The following TENM2 variants were observed in gnomAD, a reference collection of about 807,000 sequenced individuals.
The protein encoded by TENM2 is teneurin transmembrane protein 2.
TENM2 carries 52 observed loss-of-function variants against 245.2 expected under a neutral mutation model. The observed-to-expected ratio is 0.21, with a 90% CI of 0.17 to 0.27. TENM2 has a LOEUF of 0.27. Ranked by LOEUF, TENM2 falls within the 10% of genes least tolerant of loss-of-function variation. The pLI is 1.00. For synonymous variants in TENM2, 1,363 were observed against 1,438.9 expected (o/e 0.95, Z 1.19); for missense variants, 3,046 against 3,666.8 (o/e 0.83, Z 4.37).
At chr5:167,776,917 T>A (rs942126621) in intron 2 of TENM2, among the ~76,000 whole-genome samples, 3 of 152,198 alleles carry the variant, frequency 2.0e-5, no homozygotes, top group African/African-American at 7.2e-5. Context: ...CAGCATTGTT[T>A]GTAGCAATTT....
At chr5:167,477,817 A>G (rs1410437607) in intron 2 of TENM2, among the ~76,000 whole-genome samples, 2 of 152,162 alleles carry the variant, frequency 1.3e-5, no homozygotes, top group African/African-American at 4.8e-5. Context: ...TAGATAATAT[A>G]TTAAGATGGA....
chr5:167,481,505 G>C (rs780704505), intron 2 of TENM2, among the ~76,000 whole-genome samples: 1 of 152,144 alleles, frequency 6.6e-6, no homozygotes, highest in Non-Finnish European at 1.5e-5. Flanking sequence ...ATACTACAAA[G>C]GCACGGTTCT....
intron 3 of TENM2, among the ~76,000 whole-genome samples, chr5:167,900,550 A>G: frequency 6.6e-6 from 1 of 152,136 alleles, no homozygotes; most frequent in Non-Finnish European, 1.5e-5. Context: ...TTAAAACATC[A>G]TTTCTCATGT....
At chr5:167,061,511 T>C in the TENM2 span, among the ~76,000 whole-genome samples, 1 of 152,326 alleles carries the variant, frequency 6.6e-6, no homozygotes, top group East Asian at 1.9e-4. Context: ...CAAGGGTTGA[T>C]GAAACATTAC....
the TENM2 span, among the ~76,000 whole-genome samples, chr5:167,130,256 G>A: frequency 6.6e-6 from 1 of 152,172 alleles, no homozygotes; most frequent in African/African-American, 2.4e-5. Context: ...AAATACAGAT[G>A]AGTGTTTGCG....
At chr5:167,306,003 A>G (rs1024569337) in intron 1 of TENM2, among the ~76,000 whole-genome samples, 2 of 152,204 alleles carry the variant, frequency 1.3e-5, no homozygotes, top group Non-Finnish European at 2.9e-5. Context: ...CTGGCTTCTC[A>G]GTGGGAAACA....
At chr5:167,959,811 C>T (rs184366835) in intron 4 of TENM2, among the ~76,000 whole-genome samples, 21 of 152,226 alleles carry the variant, frequency 1.4e-4, no homozygotes, top group South Asian at 6.2e-4. Flanking sequence ...AGCCTTTTTG[C>T]GCTATTTTTT....
intron 1 of TENM2, among the ~76,000 whole-genome samples, chr5:167,287,037 A>T (rs1037289534): frequency 2.0e-5 from 3 of 152,220 alleles, no homozygotes; most frequent in African/African-American, 7.2e-5. Context: ...AAAACTGTGC[A>T]GGCCAAAAGT....
chr5:167,642,077 G>A (rs905465588), intron 2 of TENM2, among the ~76,000 whole-genome samples: 1 of 150,378 alleles, frequency 6.6e-6, no homozygotes, highest in Non-Finnish European at 1.5e-5. Flanking sequence ...GGAGGCGGAG[G>A]TTGCAGTGAG....
rs145363591 is a variant in TENM2, at chr5:168,031,236, T to C, written c.1187-16191T>C. Among the ~76,000 whole-genome samples the C allele has an allele frequency of 9.8e-3, 1,489 of 152,330 alleles. 23 individuals are homozygous for C. Among genetic ancestry groups the C allele is most frequent in the Non-Finnish European group, 0.014 (981 of 68,024 alleles). On this transcript the variant is annotated intron_variant, in intron 5 of 28. Coordinates refer to ENST00000518659, the Ensembl canonical transcript of TENM2. ...GATGAATGTCCTCTCTGCCAAGGTA[T>C]TAATCTTTCCAGGTCTCCATAACCT...
At chr5:167,900,813 G>T (rs926576184) in intron 3 of TENM2, among the ~76,000 whole-genome samples, 2 of 151,298 alleles carry the variant, frequency 1.3e-5, no homozygotes, top group African/African-American at 4.9e-5. Context: ...GAAGCAGGAA[G>T]ACTGGAGTGA....
chr5:167,679,700 T>A (rs188995550), intron 2 of TENM2, among the ~76,000 whole-genome samples: 2 of 152,306 alleles, frequency 1.3e-5, no homozygotes, highest in East Asian at 3.9e-4. Flanking sequence ...TTTGGCATTA[T>A]AAGCAGTGTA....
chr5:168,260,396 G>T, exon 28 of TENM2: 1 of 1,613,908 alleles, frequency 6.2e-7, no homozygotes. Context: ...AGAGAGTCAA[G>T]CAAGTGAGAA....
rs888573926 is a variant in TENM2 at position 167,706,005 on chromosome 5, T to A, written c.503-169981T>A. On this transcript the variant is annotated intron_variant, in intron 2 of 28. Transcript: ENST00000518659. The stretch of plus-strand genomic sequence containing the variant: ...TATATATATATATTTATTTATTTAT[T>A]TATTTACTTATTTATATTATATATT... Among the ~76,000 whole-genome samples, 397 of 143,084 alleles carry A rather than the reference T, an allele frequency of 2.8e-3. 1 individual carries two copies. The highest frequency in any genetic ancestry group is 9.8e-3 in the African/African-American group (383 of 39,102). The allele number at this position is 143,084 out of a possible 152,430, so 93.9% of individuals were successfully genotyped here. A position where few individuals can be genotyped will look rare whatever the true frequency, so the allele number is the denominator to read the frequency against.
intron 2 of TENM2, among the ~76,000 whole-genome samples, chr5:167,571,576 C>G (rs942135969): frequency 2.6e-5 from 4 of 152,232 alleles, no homozygotes; most frequent in African/African-American, 9.6e-5. Flanking sequence ...ACTCAGGGAA[C>G]CCACCTCCTC....
intron 2 of TENM2, among the ~76,000 whole-genome samples, chr5:167,602,892 G>A (rs1463538713): frequency 1.3e-5 from 2 of 152,130 alleles, no homozygotes; most frequent in African/African-American, 2.4e-5. Flanking sequence ...GTCATGAGGA[G>A]GGCTTCCTGG....
the TENM2 span, among the ~76,000 whole-genome samples, chr5:167,058,435 G>A: frequency 6.6e-6 from 1 of 152,156 alleles, no homozygotes; most frequent in Non-Finnish European, 1.5e-5. Flanking sequence ...AATAGCTATT[G>A]CTATTAGGTG....
chr5:168,047,328 A>C, intron 5 of TENM2, 99 bp from the exon 8 acceptor site: 1 of 1,410,832 alleles, frequency 7.1e-7, no homozygotes, highest in African/African-American at 1.4e-5. Flanking sequence ...CAGCTTCCTC[A>C]AAAGGCAATC....
chr5:167,317,818 G>T (rs1365596569), intron 1 of TENM2, among the ~76,000 whole-genome samples: 1 of 152,126 alleles, frequency 6.6e-6, no homozygotes, highest in Non-Finnish European at 1.5e-5. Context: ...GTGGGTGTGA[G>T]TGTCTGAGGG....
Sources: allele counts gnomAD v4.1 joint callset (sites outside exome capture counted in the v4.1 genomes callset), GRCh38; gene constraint gnomAD v4.1.1; transcripts MANE v1.5; gene names NCBI Gene and HGNC (gene_info 2026-07-23, HGNC 2026-07-21).